Variants in GCA observed in about 807,000 individuals in gnomAD.
The protein encoded by GCA is grancalcin, EF-hand calcium-binding protein.
Under a neutral mutation model 32.6 loss-of-function variants are expected in GCA, and 30 were observed. That is an observed-to-expected ratio of 0.92 (90% CI 0.69 to 1.25). The LOEUF (loss-of-function observed/expected upper bound fraction) is 1.25, where lower values mean the gene tolerates loss of function less well. Among genes scored for constraint, GCA ranks in the 50% most tolerant of loss-of-function variants. The pLI, the probability that GCA is intolerant of heterozygous loss-of-function variation, is 0.00. For synonymous variants in GCA, 102 were observed against 84.6 expected (o/e 1.21, Z -1.13); for missense variants, 291 against 266.8 (o/e 1.09, Z -0.63).
At chr2:162,320,535 C>T (rs1024833672) in intron 1 of GCA, among the ~76,000 whole-genome samples, 1 of 152,118 alleles carries the variant, frequency 6.6e-6, no homozygotes, top group Admixed American at 6.5e-5. Flanking sequence ...ATATGGGGAA[C>T]CAGTTAATGT....
At chr2:162,353,966 C>A (rs1208873003) in intron 3 of GCA, among the ~76,000 whole-genome samples, 1 of 151,724 alleles carries the variant, frequency 6.6e-6, no homozygotes, top group Non-Finnish European at 1.5e-5. Context: ...TTGAGTCTTT[C>A]ATTTCTGCTT....
exon 1 of GCA, chr2:162,319,101 TGA>T (rs1308519741): frequency 1.5e-5 from 7 of 454,308 alleles, no homozygotes; most frequent in Non-Finnish European, 3.1e-5. Context: ...GAGGGACAGG[TGA>T]GAGATGAAGC....
At chr2:162,325,709 C>T (rs1368135352) in intron 1 of GCA, among the ~76,000 whole-genome samples, 1 of 152,138 alleles carries the variant, frequency 6.6e-6, no homozygotes, top group Non-Finnish European at 1.5e-5. Flanking sequence ...AAACTCATCC[C>T]CAAATCTGTC....
chr2:162,333,609 C>G (rs997139512), intron 1 of GCA, among the ~76,000 whole-genome samples: 1 of 151,982 alleles, frequency 6.6e-6, no homozygotes, highest in Non-Finnish European at 1.5e-5. Flanking sequence ...CATATTCATA[C>G]TATGTGAGAG....
At chr2:162,345,178 C>T (rs908740350) in intron 1 of GCA, among the ~76,000 whole-genome samples, 8 of 149,488 alleles carry the variant, frequency 5.4e-5, no homozygotes, top group Non-Finnish European at 1.2e-4. Context: ...TATGAATTTC[C>T]AGGTCCTCAA....
Position 162,347,726 on chromosome 2 carries a change from G to A in GCA, c.176G>A (p.Ser59Asn). 6.4e-7 allele frequency: 1 copy of A among 1,557,486 alleles called. No homozygotes were observed. Among genetic ancestry groups the A allele is most frequent in the Non-Finnish European group, 8.7e-7 (1 of 1,148,338 alleles). ...SAGDSVYTYF[S>N]AVAGQDGEVD... is the part of the protein sequence containing the mutation. ...GGTGACTCCGTGTATACTTACTTCA[G>A]TGCTGTTGCTGGACAGGTGAGATGC... Residue 59 changes from serine (S) to asparagine (N), a missense_variant, in exon 2 of 8, where the codon AGT becomes AAT. Coordinates refer to ENST00000437150, the MANE Select transcript of GCA (RefSeq NM_012198.5).
upstream of GCA, among the ~76,000 whole-genome samples, chr2:162,342,728 A>T (rs1684491914): frequency 6.6e-6 from 1 of 152,248 alleles, no homozygotes; most frequent in South Asian, 2.1e-4. Context: ...AATTTTGACC[A>T]CAGAATCAGA....
chr2:162,319,112 G>A (rs1017552616), exon 1 of GCA: 1 of 456,160 alleles, frequency 2.2e-6, no homozygotes, highest in Non-Finnish European at 4.4e-6. Flanking sequence ...GAGAGATGAA[G>A]CTCAGAAGAC....
chr2:162,325,726 T>G (rs1421195519), intron 1 of GCA, among the ~76,000 whole-genome samples: 5 of 152,214 alleles, frequency 3.3e-5, no homozygotes, highest in Non-Finnish European at 5.9e-5. Flanking sequence ...TGTCTGCACT[T>G]GCTGAACGGC....
chr2:162,335,805 T>G (rs1233788559), intron 1 of GCA, among the ~76,000 whole-genome samples: 2 of 152,214 alleles, frequency 1.3e-5, no homozygotes, highest in Non-Finnish European at 2.9e-5. Flanking sequence ...CAAATGAACT[T>G]GGAGTCAATT....
At chr2:162,358,167 T>C (rs1391837172) in intron 5 of GCA, among the ~76,000 whole-genome samples, 1 of 151,546 alleles carries the variant, frequency 6.6e-6, no homozygotes, top group Non-Finnish European at 1.5e-5. Context: ...CAGTAATGTA[T>C]GGGCAATAAT....
rs1351812704 is a variant in GCA at position 162,361,117 on chromosome 2, C to T, written c.*874C>T. ...TTAAAAATAAACAAGTAATTAACCACTCTAATTGTTCAGAAATTTTACATT... is the reference window on the plus strand; with the variant it reads ...TTAAAAATAAACAAGTAATTAACCATTCTAATTGTTCAGAAATTTTACATT... On this transcript the variant is annotated 3_prime_UTR_variant, in exon 8 of 8. Coordinates refer to ENST00000437150, the MANE Select transcript of GCA (RefSeq NM_012198.5). The T allele has an allele frequency of 8.3e-6, 8 of 959,856 alleles. No homozygotes were observed. The highest frequency in any genetic ancestry group is 9.9e-6 in the Non-Finnish European group (8 of 805,398). 59.5% of individuals were successfully genotyped at this position (959,856 alleles called of 1,614,324 possible). A position where few individuals can be genotyped will look rare whatever the true frequency, so the allele number is the denominator to read the frequency against.
upstream of GCA, among the ~76,000 whole-genome samples, chr2:162,341,375 C>A (rs1684445302): frequency 6.7e-6 from 1 of 149,458 alleles, no homozygotes; most frequent in South Asian, 2.1e-4. Context: ...TTCTCTCCCT[C>A]ATTCATATAG....
chr2:162,360,959 T>A lies in GCA; in HGVS notation c.*716T>A. 8.8e-7 allele frequency: 1 copy of A among 1,130,642 alleles called. No individual in the cohort carries two copies. Among genetic ancestry groups the A allele is most frequent in the African/African-American group, 1.6e-5 (1 of 62,450 alleles). 70.0% of individuals were successfully genotyped at this position (1,130,642 alleles called of 1,614,324 possible). A position where few individuals can be genotyped will look rare whatever the true frequency, so the allele number is the denominator to read the frequency against. On this transcript the variant is annotated 3_prime_UTR_variant, in exon 8 of 8. Transcript: ENST00000437150. ...GCGTCCTATTTCATTAGTGAAGACA[T>A]AGTTCACCTAAAATGGCATCCTGCT...
chr2:162,359,520 C>T lies in GCA; in HGVS notation c.595C>T (p.Gln199Ter). 1 of 1,545,082 alleles carries T rather than the reference C, an allele frequency of 6.5e-7. No individual in the cohort carries two copies. The highest frequency in any genetic ancestry group is 8.9e-7 in the Non-Finnish European group (1 of 1,125,482). ...TDFFRKRDHL[Q>*]QGSANFIYDD... ...TTTCTTTAGGAAAAGAGACCACTTG[C>T]AACAAGGGTCTGCGAATTTCATATA... The change falls in exon 7 of 8, where the codon CAA becomes TAA. Residue 199 changes from glutamine to a stop codon, truncating the protein, a stop_gained. Coordinates refer to ENST00000437150, the MANE Select transcript of GCA (RefSeq NM_012198.5). LOFTEE classifies it high-confidence loss of function.
rs531284381 is a variant in GCA, at chr2:162,361,312, A to G, written c.*1069A>G. 1.0e-6 allele frequency: 1 copy of G among 984,364 alleles called. No homozygotes were observed. Among genetic ancestry groups the G allele is most frequent in the African/African-American group, 1.7e-5 (1 of 57,286 alleles). 61.0% of individuals were successfully genotyped at this position (984,364 alleles called of 1,614,324 possible). A position where few individuals can be genotyped will look rare whatever the true frequency, so the allele number is the denominator to read the frequency against. Reference sequence around the variant, plus strand: ...TGCGACGTAGAATCACCAGATCTTTAGTGTTTAATATCCCTGGTATAAGAT... The same window carrying G: ...TGCGACGTAGAATCACCAGATCTTTGGTGTTTAATATCCCTGGTATAAGAT... On this transcript the variant is annotated 3_prime_UTR_variant, in exon 8 of 8. Transcript: ENST00000437150.
At chr2:162,346,001 C>T (rs1161396785) in intron 1 of GCA, among the ~76,000 whole-genome samples, 5 of 152,040 alleles carry the variant, frequency 3.3e-5, no homozygotes, top group African/African-American at 4.8e-5. Context: ...GATGCATTTC[C>T]AATAGATTTT....
chr2:162,330,835 A>T (rs1320374763), intron 1 of GCA, among the ~76,000 whole-genome samples: 1 of 152,252 alleles, frequency 6.6e-6, no homozygotes, highest in Non-Finnish European at 1.5e-5. Context: ...GCACTGAATT[A>T]GTGAATACTG....
chr2:162,347,638 G>A lies in GCA; in HGVS notation c.88G>A (p.Gly30Ser). 2 of 1,610,788 alleles carry A rather than the reference G, an allele frequency of 1.2e-6. No homozygotes were observed. The highest frequency in any genetic ancestry group is 4.5e-5 in the East Asian group (2 of 44,804). Reference sequence around the variant, plus strand: ...GATGGGACAGCCAGTGCCAGAAACAGGCCCAGCTATACTCCTCGATGGATA... The same window carrying A: ...GATGGGACAGCCAGTGCCAGAAACAAGCCCAGCTATACTCCTCGATGGATA... Reference protein sequence around the residue: ...MQMGQPVPETGPAILLDGYSG... With the variant: ...MQMGQPVPETSPAILLDGYSG... The change falls in exon 2 of 8, where the codon GGC becomes AGC. Residue 30 changes from glycine to serine, a missense_variant. Coordinates refer to ENST00000437150, the MANE Select transcript of GCA (RefSeq NM_012198.5).
Sources: gnomAD v4.1 joint callset for allele counts (sites outside exome capture counted in the v4.1 genomes callset) on GRCh38, gnomAD v4.1.1 for gene constraint, MANE v1.5 for transcripts, NCBI Gene and HGNC (gene_info 2026-07-23, HGNC 2026-07-21) for gene names.